Variants in RTL4 observed in about 807,000 individuals in gnomAD.
RTL4 encodes the protein retrotransposon Gag-like protein 4.
Under a neutral mutation model 5.3 loss-of-function variants are expected in RTL4, and 4 were observed. That is an observed-to-expected ratio of 0.75 (90% CI 0.37 to 1.72). The LOEUF (loss-of-function observed/expected upper bound fraction) is 1.72, where lower values mean the gene tolerates loss of function less well. RTL4 is among the 40% of genes most tolerant of loss of function. The pLI, the probability that RTL4 is intolerant of heterozygous loss-of-function variation, is 0.04. For missense variants in RTL4, 260 were observed against 227.1 expected, an observed-to-expected ratio of 1.14 and a Z score of -0.93; for synonymous variants, 98 against 87.3, an observed-to-expected ratio of 1.12 and a Z score of -0.68.
chrX:112,237,835 A>T, the RTL4 span, among the ~76,000 whole-genome samples: 3 of 112,152 alleles, frequency 2.7e-5, no homozygotes, highest in Non-Finnish European at 5.6e-5. Context: ...AGAGCGATTT[A>T]TTCAGAGAGC....
chrX:112,455,161 A>C (rs769422959), exon 1 of RTL4: 1 of 1,211,877 alleles, frequency 8.3e-7, no homozygotes, highest in Non-Finnish European at 1.1e-6. Flanking sequence ...ACAGGAAATC[A>C]ATCCTCTGAT....
the RTL4 span, among the ~76,000 whole-genome samples, chrX:112,257,082 A>C: frequency 8.9e-6 from 1 of 112,077 alleles, no homozygotes; most frequent in East Asian, 2.8e-4. Context: ...AATATTTCAA[A>C]GATATCACCC....
the RTL4 span, among the ~76,000 whole-genome samples, chrX:112,260,200 C>T: frequency 9.0e-6 from 1 of 111,476 alleles, no homozygotes; most frequent in Non-Finnish European, 1.9e-5. Context: ...CTCATCCATG[C>T]ATATCAGCTC....
the RTL4 span, among the ~76,000 whole-genome samples, chrX:112,362,304 TGTA>T: frequency 1.8e-5 from 2 of 111,866 alleles, no homozygotes; most frequent in African/African-American, 6.5e-5. Context: ...GGAGCTTTCA[TGTA>T]GTGGTGGAGA....
chrX:112,249,207 G>A, the RTL4 span, among the ~76,000 whole-genome samples: 8 of 112,102 alleles, frequency 7.1e-5, no homozygotes, highest in South Asian at 7.4e-4. Context: ...CACTTGCTTC[G>A]GAAAATAGGA....
the RTL4 span, among the ~76,000 whole-genome samples, chrX:112,179,172 A>G: frequency 9.0e-6 from 1 of 110,938 alleles, no homozygotes; most frequent in Non-Finnish European, 1.9e-5. Context: ...CATTCCTGTG[A>G]GTTAGGCCTA....
chrX:112,416,617 G>A, the RTL4 span, among the ~76,000 whole-genome samples: 13 of 111,623 alleles, frequency 1.2e-4, no homozygotes, highest in South Asian at 7.6e-4. Flanking sequence ...TTGCATTCTC[G>A]TGTACAATGG....
chrX:112,401,230 T>G, the RTL4 span, among the ~76,000 whole-genome samples: 1 of 111,656 alleles, frequency 9.0e-6, no homozygotes, highest in Non-Finnish European at 1.9e-5. Context: ...TCCTGTGACA[T>G]GATTTCCTCT....
chrX:112,454,439 T>C (rs978703833), upstream of RTL4: 4 of 244,196 alleles, frequency 1.6e-5, no homozygotes, highest in African/African-American at 1.1e-4. Context: ...CTGTTGTATA[T>C]ATCTTCTTAA....
chrX:112,144,638 C>T, the RTL4 span, among the ~76,000 whole-genome samples: 4 of 111,143 alleles, frequency 3.6e-5, no homozygotes, highest in Admixed American at 9.6e-5. Flanking sequence ...GGACTTGCTC[C>T]GGATTAATTA....
At chrX:112,419,993 G>C in the RTL4 span, among the ~76,000 whole-genome samples, 1 of 110,774 alleles carries the variant, frequency 9.0e-6, no homozygotes, top group East Asian at 2.9e-4. Flanking sequence ...TCTTCTCTGA[G>C]AAGATCTAAG....
At chrX:112,362,885 T>A in the RTL4 span, among the ~76,000 whole-genome samples, 1 of 110,847 alleles carries the variant, frequency 9.0e-6, no homozygotes, top group East Asian at 2.9e-4. Flanking sequence ...TGGTTAGTTA[T>A]CCTGTGACAT....
the RTL4 span, among the ~76,000 whole-genome samples, chrX:112,307,046 G>A: frequency 2.7e-5 from 3 of 111,291 alleles, no homozygotes; most frequent in African/African-American, 9.8e-5. Context: ...TCCTTCCATG[G>A]GCCTACTATT....
chrX:112,336,980 G>T, the RTL4 span, among the ~76,000 whole-genome samples: 1 of 112,003 alleles, frequency 8.9e-6, no homozygotes, highest in Non-Finnish European at 1.9e-5. Context: ...TTCACATGTT[G>T]TGAAATTCTC....
At chrX:112,430,216 T>C in the RTL4 span, among the ~76,000 whole-genome samples, 1 of 111,487 alleles carries the variant, frequency 9.0e-6, no homozygotes, top group South Asian at 3.7e-4. Context: ...AGTTTTTGGA[T>C]ATTCTGTTCT....
chrX:112,170,837 G>A, the RTL4 span, among the ~76,000 whole-genome samples: 10 of 111,652 alleles, frequency 9.0e-5, no homozygotes, highest in Admixed American at 5.7e-4. Context: ...TTTTCAAGGC[G>A]TATGCTTCCA....
chrX:112,122,638 TA>T, the RTL4 span, among the ~76,000 whole-genome samples: 1 of 110,541 alleles, frequency 9.0e-6, no homozygotes, highest in Non-Finnish European at 1.9e-5. Flanking sequence ...TTGAGGTGAA[TA>T]AATACCCTAA....
At chrX:112,400,458 A>G in the RTL4 span, among the ~76,000 whole-genome samples, 1 of 111,789 alleles carries the variant, frequency 8.9e-6, no homozygotes, top group African/African-American at 3.2e-5. Flanking sequence ...TCTTGAACAT[A>G]TGGAATACAG....
chrX:112,160,308 A>G, the RTL4 span, among the ~76,000 whole-genome samples: 1 of 111,544 alleles, frequency 9.0e-6, no homozygotes, highest in Non-Finnish European at 1.9e-5. Context: ...CCTTCAAGGA[A>G]CTCACAGTCC....
Sources: allele counts gnomAD v4.1 joint callset (sites outside exome capture counted in the v4.1 genomes callset), GRCh38; gene constraint gnomAD v4.1.1; transcripts MANE v1.5; gene names NCBI Gene and HGNC (gene_info 2026-07-23, HGNC 2026-07-21).